Variants in SAMD12 observed in about 807,000 individuals in gnomAD.
SAMD12 encodes the protein sterile alpha motif domain containing 12, also known as sterile alpha motif domain-containing protein 12.
Under a neutral mutation model 15.0 loss-of-function variants are expected in SAMD12, and 9 were observed. The ratio of observed to expected loss-of-function variants is 0.60; its 90% CI spans 0.36 to 1.05. SAMD12 has a LOEUF of 1.05. Among genes scored for constraint, SAMD12 ranks in the 50% least tolerant of loss-of-function variants. SAMD12 has a pLI of 0.01. For missense variants in SAMD12, 230 were observed against 234.2 expected (o/e 0.98, Z 0.12); for synonymous variants, 86 against 90.1 (o/e 0.96, Z 0.25).
intron 3 of SAMD12, among the ~76,000 whole-genome samples, chr8:118,387,268 G>A (rs1170421933): frequency 6.6e-6 from 1 of 152,086 alleles, no homozygotes; most frequent in Non-Finnish European, 1.5e-5. Flanking sequence ...GTCTAGGAAA[G>A]CACAATCTGA....
At chr8:118,282,824 CATA>C (rs1488878215) in intron 4 of SAMD12, among the ~76,000 whole-genome samples, 3 of 151,944 alleles carry the variant, frequency 2.0e-5, no homozygotes, top group Non-Finnish European at 2.9e-5. Flanking sequence ...TTATATCAGC[CATA>C]ATATTTATAT....
At chr8:118,617,766 T>C (rs1045375806) in intron 1 of SAMD12, among the ~76,000 whole-genome samples, 1 of 152,154 alleles carries the variant, frequency 6.6e-6, no homozygotes. Flanking sequence ...AAACAATGAC[T>C]GTGGGCCTCC....
the SAMD12 span, among the ~76,000 whole-genome samples, chr8:118,165,008 T>TGTGTGTGTGTG: frequency 1.3e-5 from 2 of 150,800 alleles, no homozygotes; most frequent in African/African-American, 4.9e-5. Context: ...TGTGTGTGTG[T>TGTGTGTGTGTG]TTTCCATACA....
chr8:118,241,505 T>G (rs1812563917), intron 4 of SAMD12, among the ~76,000 whole-genome samples: 1 of 152,178 alleles, frequency 6.6e-6, no homozygotes, highest in Non-Finnish European at 1.5e-5. Context: ...TGTGACTATC[T>G]TCTTAAGTGG....
chr8:118,176,427 T>C, the SAMD12 span, among the ~76,000 whole-genome samples: 1 of 152,190 alleles, frequency 6.6e-6, no homozygotes, highest in Non-Finnish European at 1.5e-5. Flanking sequence ...TGCTCATCAA[T>C]GGTGGACTGA....
intron 4 of SAMD12, among the ~76,000 whole-genome samples, chr8:118,226,197 G>A (rs1226928142): frequency 1.3e-5 from 2 of 152,146 alleles, no homozygotes; most frequent in Non-Finnish European, 2.9e-5. Context: ...GGACACTGAG[G>A]AATGAGGAAG....
At chr8:118,189,311 A>G (rs1302416299), downstream of SAMD12, 3 of 152,324 alleles carry the variant, frequency 2.0e-5, no homozygotes, top group East Asian at 5.8e-4. Context: ...ATTTTCCACC[A>G]TGAATTGCAT....
chr8:118,577,704 A>G (rs1346339831), intron 2 of SAMD12, among the ~76,000 whole-genome samples: 1 of 152,162 alleles, frequency 6.6e-6, no homozygotes, highest in Non-Finnish European at 1.5e-5. Flanking sequence ...CGCATCCCAG[A>G]GTTCAGGTGA....
chr8:118,540,710 A>T (rs1825964157), intron 2 of SAMD12, among the ~76,000 whole-genome samples: 1 of 151,972 alleles, frequency 6.6e-6, no homozygotes, highest in South Asian at 2.1e-4. Flanking sequence ...TAAAAAAAAA[A>T]TGCCACATAT....
the SAMD12 span, among the ~76,000 whole-genome samples, chr8:118,177,969 A>G: frequency 6.6e-6 from 1 of 152,146 alleles, no homozygotes. Flanking sequence ...AAACCTCGCA[A>G]CCACTGTTCC....
intron 1 of SAMD12, among the ~76,000 whole-genome samples, chr8:118,593,123 T>C (rs185719974): frequency 5.2e-4 from 79 of 152,330 alleles, no homozygotes; most frequent in Non-Finnish European, 9.8e-4. Context: ...AATGTCTATA[T>C]ATGCATGTGT....
downstream of SAMD12, among the ~76,000 whole-genome samples, chr8:118,189,115 T>C (rs567497781): frequency 2.0e-5 from 3 of 152,206 alleles, no homozygotes; most frequent in African/African-American, 7.2e-5. Context: ...GTTTACCATG[T>C]CTGAGGGGTG....
chr8:118,481,416 G>C (rs1254836549), intron 2 of SAMD12, among the ~76,000 whole-genome samples: 1 of 152,170 alleles, frequency 6.6e-6, no homozygotes, highest in Non-Finnish European at 1.5e-5. Context: ...CTGAATAGCA[G>C]GTTAGCTGGT....
intron 4 of SAMD12, among the ~76,000 whole-genome samples, chr8:118,305,713 A>G (rs1490925569): frequency 6.6e-6 from 1 of 152,166 alleles, no homozygotes; most frequent in East Asian, 1.9e-4. Flanking sequence ...TAATCTATCC[A>G]GGTCCACAAC....
At chr8:118,618,205 G>A (rs1028679663) in intron 1 of SAMD12, among the ~76,000 whole-genome samples, 3 of 152,042 alleles carry the variant, frequency 2.0e-5, no homozygotes, top group Non-Finnish European at 4.4e-5. Flanking sequence ...AATAAACTAA[G>A]AAGAAAACAT....
At chr8:118,472,057 G>A (rs1444197653) in intron 2 of SAMD12, among the ~76,000 whole-genome samples, 1 of 152,170 alleles carries the variant, frequency 6.6e-6, no homozygotes, top group Non-Finnish European at 1.5e-5. Flanking sequence ...GGAGGCCGAG[G>A]CGGGTGAATC....
chr8:118,590,566 C>T (rs142781269), intron 1 of SAMD12, among the ~76,000 whole-genome samples: 1 of 152,240 alleles, frequency 6.6e-6, no homozygotes, highest in South Asian at 2.1e-4. Flanking sequence ...TTTCAGGTAT[C>T]AACTGAGATT....
chr8:118,256,745 C>A lies in SAMD12; in HGVS notation c.434-59013G>T, dbSNP rs528155053. On this transcript the variant is annotated intron_variant, in intron 4 of 4. Coordinates refer to the SAMD12 transcript ENST00000409003. ...TGATAAATGATTATAAAATGGGCAACAGGACCTTCTTAATGTAATATATCT... is the reference window on the plus strand; with the variant it reads ...TGATAAATGATTATAAAATGGGCAAAAGGACCTTCTTAATGTAATATATCT... Among the ~76,000 whole-genome samples, 6 of 150,570 alleles carry A rather than the reference C, an allele frequency of 4.0e-5. No homozygotes were observed. In the East Asian group the frequency reaches 1.2e-3, roughly 30 times the overall value.
the SAMD12 span, among the ~76,000 whole-genome samples, chr8:118,179,337 T>C: frequency 6.6e-6 from 1 of 151,160 alleles, no homozygotes; most frequent in African/African-American, 2.4e-5. Flanking sequence ...CTCAGGAGTC[T>C]GTGGCAAGAG....
Sources: gnomAD v4.1 joint callset for allele counts (sites outside exome capture counted in the v4.1 genomes callset) on GRCh38, gnomAD v4.1.1 for gene constraint, MANE v1.5 for transcripts, NCBI Gene and HGNC (gene_info 2026-07-23, HGNC 2026-07-21) for gene names.